Variants in BCKDHB observed in about 807,000 individuals in gnomAD.
The protein encoded by BCKDHB is 2-oxoisovalerate dehydrogenase subunit beta, mitochondrial.
In BCKDHB, 41 loss-of-function variants were observed where a neutral mutation model predicts 48.5. That is an observed-to-expected ratio of 0.85 (90% CI 0.66 to 1.10). BCKDHB has a LOEUF of 1.10. BCKDHB is among the 50% of genes least tolerant of loss of function. The probability of loss-of-function intolerance (pLI) is 0.00; values close to 1 mark genes in which losing one functional copy is unlikely to be tolerated. For synonymous variants in BCKDHB, 201 were observed against 174.8 expected (o/e 1.15, Z -1.18); for missense variants, 496 against 494.2 (o/e 1.00, Z -0.03).
intron 9 of BCKDHB, among the ~76,000 whole-genome samples, chr6:80,303,300 C>G (rs1392654474): frequency 6.6e-6 from 1 of 151,972 alleles, no homozygotes; most frequent in Non-Finnish European, 1.5e-5. Flanking sequence ...ATCCTGCAGG[C>G]TAGATGGAGA....
At chr6:80,430,728 C>T in the BCKDHB span, among the ~76,000 whole-genome samples, 17 of 152,028 alleles carry the variant, frequency 1.1e-4, no homozygotes, top group South Asian at 4.2e-4. Flanking sequence ...TTATGAGTCT[C>T]GCTAGCAGTC....
chr6:80,169,109 T>C lies in BCKDHB; in HGVS notation c.633+79T>C. On this transcript the variant is annotated intron_variant, in intron 5 of 9. Coordinates refer to ENST00000320393, the MANE Select transcript of BCKDHB (RefSeq NM_183050.4). ...TCATTCTATTTAATATCTATGCTTATCTAGAGGAAAGAAAACAAACAGGAT... is the reference window on the plus strand; with the variant it reads ...TCATTCTATTTAATATCTATGCTTACCTAGAGGAAAGAAAACAAACAGGAT... 4.6e-6 allele frequency: 7 copies of C among 1,536,646 alleles called. No individual in the cohort carries two copies. In the South Asian group the frequency reaches 5.7e-5, roughly 12 times the overall value.
chr6:80,397,691 G>T, the BCKDHB span, among the ~76,000 whole-genome samples: 3 of 152,314 alleles, frequency 2.0e-5, no homozygotes, highest in East Asian at 3.9e-4. Flanking sequence ...AGACCAGCTT[G>T]TCCAACATGG....
At chr6:80,154,221 G>A (rs1466633905) in intron 3 of BCKDHB, among the ~76,000 whole-genome samples, 2 of 152,186 alleles carry the variant, frequency 1.3e-5, no homozygotes, top group African/African-American at 4.8e-5. Flanking sequence ...TAAGTTGCGT[G>A]AGGACAGATG....
chr6:80,189,199 G>A (rs1166369887), intron 6 of BCKDHB, among the ~76,000 whole-genome samples: 4 of 151,964 alleles, frequency 2.6e-5, no homozygotes, highest in Non-Finnish European at 4.4e-5. Flanking sequence ...TTTTATACAC[G>A]GTTGTCAGTA....
At chr6:80,441,853 T>C in the BCKDHB span, among the ~76,000 whole-genome samples, 2 of 152,186 alleles carry the variant, frequency 1.3e-5, no homozygotes, top group Non-Finnish European at 2.9e-5. Flanking sequence ...GAAGTAGACA[T>C]ATAAAGTCCC....
chr6:80,235,328 T>C (rs1776106351), intron 8 of BCKDHB, among the ~76,000 whole-genome samples: 1 of 152,218 alleles, frequency 6.6e-6, no homozygotes, highest in Non-Finnish European at 1.5e-5. Context: ...CTATTTCTTC[T>C]AATATCAGGC....
chr6:80,334,230 G>A (rs1220133529), intron 9 of BCKDHB, among the ~76,000 whole-genome samples: 1 of 151,906 alleles, frequency 6.6e-6, no homozygotes, highest in African/African-American at 2.4e-5. Flanking sequence ...TATTTCCATT[G>A]GATACAAACA....
intron 6 of BCKDHB, among the ~76,000 whole-genome samples, chr6:80,173,792 T>C (rs1472155899): frequency 6.8e-6 from 1 of 146,048 alleles, no homozygotes; most frequent in Admixed American, 7.6e-5. Context: ...TATTTTGGTT[T>C]CTACTTTTCC....
the BCKDHB span, among the ~76,000 whole-genome samples, chr6:80,431,417 G>C: frequency 6.6e-6 from 1 of 152,078 alleles, no homozygotes; most frequent in African/African-American, 2.4e-5. Flanking sequence ...ATTGCCAGAG[G>C]GGTGTTAAAG....
intron 9 of BCKDHB, among the ~76,000 whole-genome samples, chr6:80,282,946 T>A (rs1414536061): frequency 6.6e-6 from 1 of 152,152 alleles, no homozygotes. Flanking sequence ...TTCATATTAC[T>A]TATTTTGACA....
chr6:80,116,734 A>G (rs1769724124), intron 1 of BCKDHB, among the ~76,000 whole-genome samples: 1 of 152,234 alleles, frequency 6.6e-6, no homozygotes, highest in East Asian at 1.9e-4. Flanking sequence ...TTGTTTTGCT[A>G]TACCTTTTTA....
the BCKDHB span, among the ~76,000 whole-genome samples, chr6:80,421,395 C>A: frequency 6.6e-6 from 1 of 152,234 alleles, no homozygotes; most frequent in South Asian, 2.1e-4. Flanking sequence ...CAGACTAATA[C>A]AGAGAATTAG....
chr6:80,170,652 C>T (rs1401313910), intron 5 of BCKDHB, among the ~76,000 whole-genome samples: 1 of 152,158 alleles, frequency 6.6e-6, no homozygotes, highest in African/African-American at 2.4e-5. Context: ...GTACTTCCTA[C>T]TGTCATTATC....
intron 9 of BCKDHB, among the ~76,000 whole-genome samples, chr6:80,338,765 A>C (rs998790864): frequency 6.6e-6 from 1 of 152,230 alleles, no homozygotes; most frequent in Non-Finnish European, 1.5e-5. Flanking sequence ...ATGACATGTC[A>C]GGCATGAAAC....
At position 80,301,195 on chromosome 6, in the gene BCKDHB, A is replaced by C. The variant is rs535962743; in HGVS notation, c.1038+27974A>C. 1.1e-4 allele frequency among the ~76,000 whole-genome samples: 16 copies of C among 152,268 alleles called. 1 individual carries two copies. In the South Asian group the frequency reaches 3.3e-3, roughly 32 times the overall value. Reference sequence around the variant, plus strand: ...GAAAATAAATAACAAAAATTAGAGAACTTAATGAGATTGAGATGCAAAAAT... The same window carrying C: ...GAAAATAAATAACAAAAATTAGAGACCTTAATGAGATTGAGATGCAAAAAT... On this transcript the variant is annotated intron_variant, in intron 9 of 9. Coordinates refer to ENST00000320393, the MANE Select transcript of BCKDHB (RefSeq NM_183050.4).
chr6:80,234,485 A>G (rs1776064162), intron 8 of BCKDHB, among the ~76,000 whole-genome samples: 1 of 152,168 alleles, frequency 6.6e-6, no homozygotes, highest in South Asian at 2.1e-4. Context: ...ATGGTGTCTT[A>G]AGCTTACATG....
intron 1 of BCKDHB, among the ~76,000 whole-genome samples, chr6:80,111,735 A>G (rs915824550): frequency 5.9e-5 from 9 of 152,234 alleles, no homozygotes; most frequent in Admixed American, 5.9e-4. Context: ...AAAAATGTCT[A>G]TGGTTTTATA....
the BCKDHB span, among the ~76,000 whole-genome samples, chr6:80,381,136 C>T: frequency 1.7e-4 from 26 of 151,762 alleles, no homozygotes; most frequent in South Asian, 4.8e-3. Flanking sequence ...CTCCTTTTAC[C>T]TTATTTGTAT....
Sources: gnomAD v4.1 joint callset for allele counts (sites outside exome capture counted in the v4.1 genomes callset) on GRCh38, gnomAD v4.1.1 for gene constraint, MANE v1.5 for transcripts, NCBI Gene and HGNC (gene_info 2026-07-23, HGNC 2026-07-21) for gene names.